CDHR1: variants seen among roughly 807,000 people sequenced by gnomAD.
The protein encoded by CDHR1 is cadherin-related family member 1.
CDHR1 carries 61 observed loss-of-function variants against 72.1 expected under a neutral mutation model. The observed-to-expected ratio is 0.85, with a 90% confidence interval of 0.69 to 1.05. CDHR1 has a LOEUF of 1.05. Ranked by LOEUF, CDHR1 falls within the 50% of genes least tolerant of loss-of-function variation. CDHR1 has a pLI of 0.00. For missense variants in CDHR1, 1,186 were observed against 1,115.7 expected (o/e 1.06, Z -0.90); for synonymous variants, 470 against 448.1 (o/e 1.05, Z -0.62).
At position 84,212,161 on chromosome 10, in the gene CDHR1, A is replaced by G. The variant is rs1337346553; in HGVS notation, c.1554-18A>G. On this transcript the variant is annotated intron_variant, in intron 14 of 16. Coordinates refer to ENST00000623527, the MANE Select transcript of CDHR1 (RefSeq NM_033100.4). ...TGTATATGCGTGCACACCCATGCCT[A>G]TGTGCTCTGCCTGGCAGCTTCCTGA... is the stretch of plus-strand genomic sequence containing the variant. 1 of 1,603,328 alleles carries G rather than the reference A, an allele frequency of 6.2e-7. No homozygotes were observed. Among genetic ancestry groups the G allele is most frequent in the Non-Finnish European group, 8.5e-7 (1 of 1,170,448 alleles).
In CDHR1 at chr10:84,213,218, C is replaced by A; in HGVS notation, c.1910C>A (p.Ser637Tyr). 1 of 1,614,208 alleles carries A rather than the reference C, an allele frequency of 6.2e-7. No individual in the cohort carries two copies. Among genetic ancestry groups the A allele is most frequent in the African/African-American group, 1.3e-5 (1 of 75,060 alleles). ...ATCTGGCTCAAGAATTCCATCCGCT[C>A]CCTGGATGCCCTGCACAACATCACA... is the stretch of plus-strand genomic sequence containing the variant. ...GEIWLKNSIRSLDALHNITPG... is the reference protein window; with the variant it reads ...GEIWLKNSIRYLDALHNITPG... The change falls in exon 16 of 17, where the codon TCC (serine) becomes TAC (tyrosine). Residue 637 changes from serine to tyrosine, a missense_variant. Physicochemically the swap from Ser to Tyr is moderately radical, Grantham distance 144. Transcript: ENST00000623527.
chr10:84,196,651 G>T lies in CDHR1; in HGVS notation c.297+1G>T, dbSNP rs1464226905. The T allele has an allele frequency of 5.0e-6, 8 of 1,614,044 alleles. No individual in the cohort carries two copies. The highest frequency in any genetic ancestry group is 1.6e-4 in the Middle Eastern group (1 of 6,084). Reference sequence around the variant, plus strand: ...CCTGGTTGAAGAGCTGGACAGAGAGGTATGGGGAGGTGTGGGGAGTGCTGC... The same window carrying T: ...CCTGGTTGAAGAGCTGGACAGAGAGTTATGGGGAGGTGTGGGGAGTGCTGC... On this transcript the variant is annotated splice_donor_variant, in intron 3 of 16. Coordinates refer to ENST00000623527, the MANE Select transcript of CDHR1 (RefSeq NM_033100.4). LOFTEE classifies it high-confidence loss of function.
rs1841992361 is a variant in CDHR1 at position 84,194,572 on chromosome 10, A to G, written c.-189A>G. ...CTCGTCAGGCGGCCGGCAGGAGCAG[A>G]TCCGAGCCGTGTCATCCTCTTAGCG... is the stretch of plus-strand genomic sequence containing the variant. On this transcript the variant is annotated 5_prime_UTR_variant, in exon 1 of 17. Coordinates refer to ENST00000623527, the MANE Select transcript of CDHR1 (RefSeq NM_033100.4). 1 of 474,850 alleles carries G rather than the reference A, an allele frequency of 2.1e-6. No homozygotes were observed. Among genetic ancestry groups the G allele is most frequent in the Non-Finnish European group, 3.6e-6 (1 of 274,788 alleles). 29.4% of individuals were successfully genotyped at this position (474,850 alleles called of 1,614,324 possible).
intron 10 of CDHR1, among the ~76,000 whole-genome samples, chr10:84,207,411 A>C (rs1842245838): frequency 6.6e-6 from 1 of 152,098 alleles, no homozygotes; most frequent in South Asian, 2.1e-4. Flanking sequence ...CAGGGTGAAG[A>C]ATCTGAATGA....
chr10:84,197,597 A>AG (rs995626447), intron 3 of CDHR1, among the ~76,000 whole-genome samples, 189 bp from the exon 4 acceptor site: 1 of 152,118 alleles, frequency 6.6e-6, no homozygotes, highest in Non-Finnish European at 1.5e-5. Flanking sequence ...TAAGGTCTCA[A>AG]GCATGGGGGG....
At chr10:84,219,274 TA>T (rs755023235), downstream of CDHR1, 56 of 1,549,688 alleles carry the variant, frequency 3.6e-5, no homozygotes, top group Non-Finnish European at 1.3e-5. Context: ...CCAAGCATCT[TA>T]AAAAGTATCA....
chr10:84,194,731 C>T lies in CDHR1; in HGVS notation c.-30C>T, dbSNP rs1410512625. 6.1e-6 allele frequency: 9 copies of T among 1,468,280 alleles called. No homozygotes were observed. Among genetic ancestry groups the T allele is most frequent in the South Asian group, 1.4e-5 (1 of 73,638 alleles). 91.0% of individuals were successfully genotyped at this position (1,468,280 alleles called of 1,614,324 possible). ...GTGCCCCTGCGCCCGGTCTCGGCGG[C>T]GGCAGGCGACACTCCGCGCCGGCGG... On this transcript the variant is annotated 5_prime_UTR_variant, in exon 1 of 17. Transcript: ENST00000623527.
At chr10:84,195,651 C>T (rs2132785367) in intron 2 of CDHR1, 62 bp downstream of exon 2, 2 of 1,418,306 alleles carry the variant, frequency 1.4e-6, no homozygotes, top group Non-Finnish European at 9.9e-7. Context: ...AGACTTAGAA[C>T]ACAAAGTGCC....
intron 1 of CDHR1, among the ~76,000 whole-genome samples, 168 bp downstream of exon 1, chr10:84,194,983 G>C (rs1842001494): frequency 6.6e-6 from 1 of 152,240 alleles, no homozygotes. Context: ...TTCGGTAGTG[G>C]GGAGTGGGGT....
chr10:84,197,914 C>T, intron 4 of CDHR1, 78 bp downstream of exon 4: 1 of 1,386,746 alleles, frequency 7.2e-7, no homozygotes, highest in Middle Eastern at 2.3e-4. Flanking sequence ...ACGATTCCTC[C>T]CCAAGCCTTC....
At position 84,215,732 on chromosome 10, in the gene CDHR1, G is replaced by C; in HGVS notation, c.*1111G>C. On this transcript the variant is annotated 3_prime_UTR_variant, in exon 17 of 17. Transcript: ENST00000623527. ...CAGTTCTGTGGGTGCAGCTCTTCCA[G>C]AAAGTATTAGGAGCCTCACATCTAC... 1 of 985,436 alleles carries C rather than the reference G, an allele frequency of 1.0e-6. No homozygotes were observed. The highest frequency in any genetic ancestry group is 1.2e-6 in the Non-Finnish European group (1 of 829,962). The allele number at this position is 985,436 out of a possible 1,614,324, so 61.0% of individuals were successfully genotyped here. A position where few individuals can be genotyped will look rare whatever the true frequency, so the allele number is the denominator to read the frequency against.
At chr10:84,199,569 A>G (rs4933974) in intron 5 of CDHR1, among the ~76,000 whole-genome samples, 120,556 of 152,198 alleles carry the variant, frequency 0.79, 48,611 homozygotes, top group African/African-American at 0.95. Flanking sequence ...GGTAACTATC[A>G]TTTTAATAGC....
Position 84,213,308 on chromosome 10 carries a change from G to A in CDHR1, c.2000G>A (p.Ser667Asn). ...QAKDRGSPSF[S>N]TTALLKIDIT... is the part of the protein sequence containing the mutation. ...AAGGACCGGGGCTCCCCATCCTTCA[G>A]CACCACAGCCTTACTCAAGATTGAC... The change falls in exon 16 of 17, where the codon AGC (serine) becomes AAC (asparagine). Residue 667 changes from serine (S) to asparagine (N), a missense_variant. Transcript: ENST00000623527. The A allele has an allele frequency of 6.2e-7, 1 of 1,614,210 alleles. No homozygotes were observed. The highest frequency in any genetic ancestry group is 8.5e-7 in the Non-Finnish European group (1 of 1,180,048).
chr10:84,208,322 C>T lies in CDHR1; in HGVS notation c.1112C>T (p.Pro371Leu). Reference protein sequence around the residue: ...NRFELSMNEHPPQGEILRGLK... With the variant: ...NRFELSMNEHLPQGEILRGLK... ...TTTGAGCTGTCCATGAATGAGCACCCACCCCAGGGAGAGATCCTGCGGGGC... is the reference window on the plus strand; with the variant it reads ...TTTGAGCTGTCCATGAATGAGCACCTACCCCAGGGAGAGATCCTGCGGGGC... The change falls in exon 11 of 17, where the codon CCA becomes CTA. Residue 371 changes from proline (P) to leucine (L), a missense_variant. Transcript: ENST00000623527. 1.2e-6 allele frequency: 2 copies of T among 1,614,152 alleles called. No homozygotes were observed. The highest frequency in any genetic ancestry group is 1.3e-5 in the African/African-American group (1 of 75,030).
chr10:84,218,800 A>G, downstream of CDHR1: 2 of 1,022,668 alleles, frequency 2.0e-6, no homozygotes, highest in Non-Finnish European at 2.4e-6. Flanking sequence ...GTATACACAC[A>G]TATGTAGTCT....
At chr10:84,202,045 G>T in intron 7 of CDHR1, 125 bp downstream of exon 7, 2 of 760,584 alleles carry the variant, frequency 2.6e-6, no homozygotes, top group South Asian at 1.5e-5. Context: ...GGGGAAATAG[G>T]GAGCAGCTGC....
In CDHR1 at chr10:84,211,639, C is replaced by T. The variant is rs764879000; in HGVS notation, c.1486-9C>T. On this transcript the variant is annotated splice_polypyrimidine_tract_variant and intron_variant, in intron 13 of 16. Transcript: ENST00000623527. ...AGGCACGTGCCACCCAGGGCTCTTT[C>T]TCTTCCAGGCTGTGGATCCAGATAC... 2.2e-5 allele frequency: 35 copies of T among 1,613,842 alleles called. No homozygotes were observed. The highest frequency in any genetic ancestry group is 3.0e-5 in the Non-Finnish European group (35 of 1,179,808).
Position 84,216,182 on chromosome 10 carries a change from C to A in CDHR1, c.*1561C>A, listed in dbSNP as rs1236728124. The A allele has an allele frequency of 2.0e-6, 2 of 985,324 alleles. No individual in the cohort carries two copies. Among genetic ancestry groups the A allele is most frequent in the Non-Finnish European group, 2.4e-6 (2 of 829,942 alleles). 61.0% of individuals were successfully genotyped at this position (985,324 alleles called of 1,614,324 possible). ...AGTTCTTTGCATTTGGCTCTACTTA[C>A]TAACAACCCCTCTAGAATACATTGG... On this transcript the variant is annotated 3_prime_UTR_variant, in exon 17 of 17. Transcript: ENST00000623527.
At position 84,208,315 on chromosome 10, in the gene CDHR1, G is replaced by A. The variant is rs762804885; in HGVS notation, c.1105G>A (p.Glu369Lys). ...AAACAGGTTTGAGCTGTCCATGAATGAGCACCCACCCCAGGGAGAGATCCT... is the reference window on the plus strand; with the variant it reads ...AAACAGGTTTGAGCTGTCCATGAATAAGCACCCACCCCAGGGAGAGATCCT... ...PQNRFELSMNEHPPQGEILRG... is the reference protein window; with the variant it reads ...PQNRFELSMNKHPPQGEILRG... Residue 369 changes from glutamate (E) to lysine (K), a missense_variant, in exon 11 of 17, where the codon GAG becomes AAG. Glu to Lys is a moderately conservative substitution (Grantham distance 56). Coordinates refer to ENST00000623527, the MANE Select transcript of CDHR1 (RefSeq NM_033100.4). 5.6e-6 allele frequency: 9 copies of A among 1,614,024 alleles called. No individual in the cohort carries two copies. In the East Asian group the frequency reaches 1.8e-4, roughly 32 times the overall value.
Sources: gnomAD v4.1 joint callset for allele counts (sites outside exome capture counted in the v4.1 genomes callset) on GRCh38, gnomAD v4.1.1 for gene constraint, MANE v1.5 for transcripts, NCBI Gene and HGNC (gene_info 2026-07-23, HGNC 2026-07-21) for gene names.